Variants in SEC63 observed in about 807,000 individuals in gnomAD.
SEC63 encodes the protein translocation protein SEC63 homolog.
A neutral mutation model predicts 116.2 loss-of-function variants in SEC63; 56 were observed. The ratio of observed to expected loss-of-function variants is 0.48; its 90% CI spans 0.39 to 0.60. The LOEUF is 0.60. Ranked by LOEUF, SEC63 falls within the 20% of genes least tolerant of loss-of-function variation. The probability of loss-of-function intolerance (pLI) is 0.00; values close to 1 mark genes in which losing one functional copy is unlikely to be tolerated. For missense variants in SEC63, 668 were observed against 900.0 expected (o/e 0.74, Z 3.30); for synonymous variants, 273 against 294.6 (o/e 0.93, Z 0.75).
chr6:107,910,628 A>G (rs899280587), intron 7 of SEC63, among the ~76,000 whole-genome samples: 5 of 152,240 alleles, frequency 3.3e-5, no homozygotes, highest in South Asian at 4.2e-4. Flanking sequence ...TGCACGTGTC[A>G]TGCATATATA....
intron 14 of SEC63, among the ~76,000 whole-genome samples, chr6:107,895,370 C>T (rs1325102686): frequency 6.6e-6 from 1 of 152,086 alleles, no homozygotes; most frequent in Non-Finnish European, 1.5e-5. Flanking sequence ...TTATCACTTG[C>T]TATAATAAAA....
chr6:107,938,566 CTTT>C (rs542430538), intron 1 of SEC63, among the ~76,000 whole-genome samples: 4 of 138,260 alleles, frequency 2.9e-5, no homozygotes, highest in Admixed American at 7.2e-5. Context: ...CTTCTTTTTT[CTTT>C]TTTTTTTTTT....
At chr6:107,918,046 T>C (rs957157489) in intron 4 of SEC63, among the ~76,000 whole-genome samples, 2 of 152,204 alleles carry the variant, frequency 1.3e-5, no homozygotes, top group African/African-American at 4.8e-5. Context: ...CAGGCTGACT[T>C]TCTTGGTAGG....
At chr6:107,913,883 G>C (rs1260435301) in intron 4 of SEC63, among the ~76,000 whole-genome samples, 1 of 152,126 alleles carries the variant, frequency 6.6e-6, no homozygotes, top group East Asian at 1.9e-4. Context: ...CATAATGGTA[G>C]CTTCCCCACA....
intron 14 of SEC63, among the ~76,000 whole-genome samples, chr6:107,895,050 A>G (rs1786782867): frequency 6.6e-6 from 1 of 152,234 alleles, no homozygotes; most frequent in Non-Finnish European, 1.5e-5. Flanking sequence ...ATTATATCAT[A>G]ACTTCCTCCT....
intron 18 of SEC63, among the ~76,000 whole-genome samples, chr6:107,879,052 G>C (rs1034530636): frequency 6.6e-6 from 1 of 152,178 alleles, no homozygotes; most frequent in African/African-American, 2.4e-5. Flanking sequence ...TCACTAACAT[G>C]TAAGTCAAAT....
At chr6:107,955,097 G>C (rs948061559) in intron 1 of SEC63, among the ~76,000 whole-genome samples, 1 of 152,142 alleles carries the variant, frequency 6.6e-6, no homozygotes, top group South Asian at 2.1e-4. Flanking sequence ...GAAGCTAAGC[G>C]ACCAATGTTC....
chr6:107,941,608 T>C (rs1202271680), intron 1 of SEC63, among the ~76,000 whole-genome samples: 1 of 152,200 alleles, frequency 6.6e-6, no homozygotes, highest in African/African-American at 2.4e-5. Context: ...ACCATTGTAG[T>C]ATCCTTTTTA....
chr6:107,877,453 T>C (rs1160518414), intron 18 of SEC63: 2 of 152,218 alleles, frequency 1.3e-5, no homozygotes, highest in Non-Finnish European at 2.9e-5. Context: ...TTTTGTTTTT[T>C]GTTGAGACAG....
Position 107,958,161 on chromosome 6 carries a change from C to A in SEC63, c.-152G>T. The A allele has an allele frequency of 8.2e-7, 1 of 1,217,038 alleles. No homozygotes were observed. The highest frequency in any genetic ancestry group is 1.2e-6 in the Non-Finnish European group (1 of 861,274). The allele number at this position is 1,217,038 out of a possible 1,614,324, so 75.4% of individuals were successfully genotyped here. ...CCCCACGCCACTCTCACGGACACGC[C>A]GCCGCCACCTCTGCCGCTGCCGCCG... On this transcript the variant is annotated 5_prime_UTR_variant, in exon 1 of 21. Transcript: ENST00000369002.
At chr6:107,880,804 G>GT (rs1205537858) in intron 18 of SEC63, among the ~76,000 whole-genome samples, 2 of 152,158 alleles carry the variant, frequency 1.3e-5, no homozygotes, top group Non-Finnish European at 2.9e-5. Context: ...ATTCATAATA[G>GT]TTAAGTATTC....
rs774009568 is a variant in SEC63 at position 107,924,941 on chromosome 6, GA to G, written c.225-10del. ...CAAGCAGAACTATTTTCCTGTTTAG[GA>G]AAAAGGTAAGTGAATCATAAACAAA... On this transcript the variant is annotated splice_polypyrimidine_tract_variant and intron_variant, in intron 2 of 20. Transcript: ENST00000369002. 76 of 1,473,264 alleles carry G rather than the reference GA, an allele frequency of 5.2e-5. No individual in the cohort carries two copies. The highest frequency in any genetic ancestry group is 7.1e-5 in the Non-Finnish European group (75 of 1,052,324). The allele number at this position is 1,473,264 out of a possible 1,614,324, so 91.3% of individuals were successfully genotyped here.
rs369292856 is a variant in SEC63 at position 107,929,518 on chromosome 6, T to C, written c.125-4A>G. The C allele has an allele frequency of 3.6e-5, 56 of 1,540,790 alleles. No homozygotes were observed. The highest frequency in any genetic ancestry group is 4.9e-5 in the Non-Finnish European group (55 of 1,114,306). ...ATATTCTTTAATCGAATTTGCTCTGTCAAGAAAGAAAAATAAGATGAATTA... is the reference window on the plus strand; with the variant it reads ...ATATTCTTTAATCGAATTTGCTCTGCCAAGAAAGAAAAATAAGATGAATTA... On this transcript the variant is annotated splice_region_variant and splice_polypyrimidine_tract_variant and intron_variant, in intron 1 of 20. Transcript: ENST00000369002.
intron 16 of SEC63, among the ~76,000 whole-genome samples, chr6:107,886,010 C>G (rs1786519556): frequency 6.6e-6 from 1 of 152,122 alleles, no homozygotes; most frequent in Non-Finnish European, 1.5e-5. Context: ...CCTCCCCTAG[C>G]CCACCACCAC....
At chr6:107,922,025 GAA>G (rs1787569921) in intron 3 of SEC63, 116 bp from the exon 4 acceptor site, 1 of 647,278 alleles carries the variant, frequency 1.5e-6, no homozygotes, top group East Asian at 2.7e-5. Context: ...AGTATTTTGA[GAA>G]AGACAAAATC....
chr6:107,929,377 G>T, intron 2 of SEC63, 38 bp downstream of exon 2: 1 of 1,019,088 alleles, frequency 9.8e-7, no homozygotes, highest in Non-Finnish European at 1.6e-6. Flanking sequence ...CAAAGAGTAA[G>T]CATTAAGTAG....
Position 107,921,789 on chromosome 6 carries a change from A to G in SEC63, c.452+8T>C, listed in dbSNP as rs1406136600. The G allele has an allele frequency of 1.3e-6, 2 of 1,539,806 alleles. No individual in the cohort carries two copies. The highest frequency in any genetic ancestry group is 1.4e-5 in the African/African-American group (1 of 73,352). ...TCTTAAAAATTTGTAATGGATCCTG[A>G]TACTTACGCAGCATAAGCTTTTGCT... On this transcript the variant is annotated splice_region_variant and intron_variant, in intron 4 of 20. Transcript: ENST00000369002.
chr6:107,879,604 C>A (rs890829060), intron 18 of SEC63, among the ~76,000 whole-genome samples: 1 of 152,146 alleles, frequency 6.6e-6, no homozygotes, highest in Non-Finnish European at 1.5e-5. Context: ...GGATTACAGG[C>A]ATGAGCCACT....
intron 16 of SEC63, 21 bp from the exon 17 acceptor site, chr6:107,883,167 C>G: frequency 6.2e-7 from 1 of 1,609,782 alleles, no homozygotes; most frequent in Non-Finnish European, 8.5e-7. Context: ...AAGGCAAACA[C>G]AAAGATTCTG....
Sources: allele counts gnomAD v4.1 joint callset (sites outside exome capture counted in the v4.1 genomes callset), GRCh38; gene constraint gnomAD v4.1.1; transcripts MANE v1.5; gene names NCBI Gene and HGNC (gene_info 2026-07-23, HGNC 2026-07-21).